Variants in FAM117B observed in about 807,000 individuals in gnomAD.
FAM117B encodes the protein family with sequence similarity 117 member B.
A neutral mutation model predicts 52.8 loss-of-function variants in FAM117B; 22 were observed. The ratio of observed to expected loss-of-function variants is 0.42; its 90% CI spans 0.30 to 0.59. The LOEUF (loss-of-function observed/expected upper bound fraction) is 0.59. FAM117B is among the 20% of genes least tolerant of loss of function. FAM117B has a pLI of 0.22. For synonymous variants in FAM117B, 309 were observed against 324.1 expected (o/e 0.95, Z 0.50); for missense variants, 678 against 802.6 (o/e 0.84, Z 1.88).
intron 1 of FAM117B, among the ~76,000 whole-genome samples, chr2:202,640,599 A>T (rs1288224801): frequency 6.6e-6 from 1 of 151,264 alleles, no homozygotes; most frequent in African/African-American, 2.4e-5. Flanking sequence ...TGCTGCTAAC[A>T]TTACACATTC....
chr2:202,730,130 A>T (rs1005461718), intron 4 of FAM117B, among the ~76,000 whole-genome samples: 1 of 152,188 alleles, frequency 6.6e-6, no homozygotes, highest in Non-Finnish European at 1.5e-5. Flanking sequence ...GCATTTGGAT[A>T]CATTATTGGC....
At chr2:202,670,989 A>AAAGT (rs1690289512) in intron 1 of FAM117B, among the ~76,000 whole-genome samples, 2 of 152,246 alleles carry the variant, frequency 1.3e-5, no homozygotes, top group Non-Finnish European at 2.9e-5. Flanking sequence ...CTAATTTTTG[A>AAAGT]AAGCTTGAAA....
intron 2 of FAM117B, among the ~76,000 whole-genome samples, chr2:202,704,497 A>G (rs2105779922): frequency 6.6e-6 from 1 of 152,306 alleles, no homozygotes; most frequent in Admixed American, 6.5e-5. Flanking sequence ...CTGCTGCAGC[A>G]AAGAGTATGT....
intron 4 of FAM117B, among the ~76,000 whole-genome samples, chr2:202,747,715 G>C (rs1385083447): frequency 1.3e-5 from 2 of 151,570 alleles, no homozygotes; most frequent in Admixed American, 1.3e-4. Context: ...AGCTAAAAAA[G>C]AACAACAATA....
intron 1 of FAM117B, among the ~76,000 whole-genome samples, chr2:202,672,881 TA>T (rs926202744): frequency 1.3e-5 from 2 of 150,630 alleles, no homozygotes; most frequent in South Asian, 2.1e-4. Flanking sequence ...CTACAAAAAA[TA>T]AAAAAAAATT....
chr2:202,638,529 G>T (rs1295722202), intron 1 of FAM117B, among the ~76,000 whole-genome samples: 1 of 152,032 alleles, frequency 6.6e-6, no homozygotes, highest in Non-Finnish European at 1.5e-5. Flanking sequence ...AGATCATCCC[G>T]TAGAGTATTT....
chr2:202,732,040 A>C (rs1009219225), intron 4 of FAM117B, among the ~76,000 whole-genome samples: 12 of 132,220 alleles, frequency 9.1e-5, no homozygotes, highest in South Asian at 2.3e-4. Context: ...CAGCCTATTT[A>C]TTTTTCTTTT....
chr2:202,713,138 G>C (rs552357239), intron 2 of FAM117B, among the ~76,000 whole-genome samples: 1 of 152,286 alleles, frequency 6.6e-6, no homozygotes, highest in East Asian at 1.9e-4. Context: ...GTGGAATTCA[G>C]CACTGAAGCC....
At chr2:202,731,088 G>A (rs1444995010) in intron 4 of FAM117B, among the ~76,000 whole-genome samples, 3 of 151,754 alleles carry the variant, frequency 2.0e-5, no homozygotes, top group Non-Finnish European at 4.4e-5. Flanking sequence ...TCTAAACTAC[G>A]TAAACAACTC....
intron 2 of FAM117B, among the ~76,000 whole-genome samples, chr2:202,701,910 G>A (rs1690799726): frequency 6.6e-6 from 1 of 152,172 alleles, no homozygotes; most frequent in Admixed American, 6.5e-5. Flanking sequence ...GAAAACAAAG[G>A]ATTAAGAATA....
chr2:202,755,497 A>T, intron 4 of FAM117B, 41 bp from the exon 5 acceptor site: 1 of 1,592,306 alleles, frequency 6.3e-7, no homozygotes, highest in Non-Finnish European at 8.6e-7. Flanking sequence ...GAAAATTAAA[A>T]GGTAATGTTA....
intron 4 of FAM117B, among the ~76,000 whole-genome samples, chr2:202,740,535 A>C (rs1242728949): frequency 1.3e-5 from 2 of 152,124 alleles, no homozygotes; most frequent in Admixed American, 6.6e-5. Context: ...ATGGAGCAAA[A>C]TTTAGTATAT....
chr2:202,737,478 A>C (rs958228413), intron 4 of FAM117B, among the ~76,000 whole-genome samples: 2 of 152,158 alleles, frequency 1.3e-5, no homozygotes, highest in Admixed American at 6.5e-5. Flanking sequence ...CCATCACTCT[A>C]ACCCTCTCTT....
intron 7 of FAM117B, among the ~76,000 whole-genome samples, chr2:202,760,647 G>A (rs905852142): frequency 6.6e-6 from 1 of 152,100 alleles, no homozygotes; most frequent in South Asian, 2.1e-4. Context: ...TAAGGGTAGG[G>A]TTGTCACAGA....
intron 4 of FAM117B, among the ~76,000 whole-genome samples, chr2:202,755,014 A>G (rs926107900): frequency 3.3e-5 from 5 of 151,790 alleles, no homozygotes; most frequent in African/African-American, 1.2e-4. Flanking sequence ...GTGGAAGGCA[A>G]AGGGGGAAAG....
intron 1 of FAM117B, among the ~76,000 whole-genome samples, chr2:202,656,820 T>G (rs1379721396): frequency 1.3e-5 from 2 of 152,176 alleles, no homozygotes; most frequent in Non-Finnish European, 2.9e-5. Flanking sequence ...TTTCTATTTC[T>G]TCTTTCAGTT....
intron 4 of FAM117B, among the ~76,000 whole-genome samples, chr2:202,750,723 G>A (rs1163570604): frequency 1.3e-5 from 2 of 152,108 alleles, no homozygotes; most frequent in Non-Finnish European, 2.9e-5. Context: ...CTCTCCTCAG[G>A]TTAATTGTAG....
intron 2 of FAM117B, among the ~76,000 whole-genome samples, chr2:202,703,675 A>G (rs942970106): frequency 6.6e-6 from 1 of 152,206 alleles, no homozygotes; most frequent in Non-Finnish European, 1.5e-5. Flanking sequence ...TAATGGGTGA[A>G]TAATATTCCA....
intron 1 of FAM117B, 126 bp downstream of exon 1, chr2:202,635,914 G>C: frequency 1.0e-6 from 1 of 991,102 alleles, no homozygotes; most frequent in Non-Finnish European, 1.2e-6. Flanking sequence ...GGGGCTGGGG[G>C]CGGTGCCGGG....
Sources: gnomAD v4.1 joint callset for allele counts (sites outside exome capture counted in the v4.1 genomes callset) on GRCh38, gnomAD v4.1.1 for gene constraint, MANE v1.5 for transcripts, NCBI Gene and HGNC (gene_info 2026-07-23, HGNC 2026-07-21) for gene names.